Variants in SSC5D observed in about 807,000 individuals in gnomAD.
The protein encoded by SSC5D is soluble scavenger receptor cysteine-rich domain-containing protein SSC5D.
SSC5D carries 106 observed loss-of-function variants against 104.6 expected under a neutral mutation model. The ratio of observed to expected loss-of-function variants is 1.01; its 90% CI spans 0.87 to 1.19. SSC5D has a LOEUF of 1.19. SSC5D is among the 50% of genes most tolerant of loss of function. The probability of loss-of-function intolerance (pLI) is 0.00; values close to 1 mark genes in which losing one functional copy is unlikely to be tolerated. For missense variants in SSC5D, 1,993 were observed against 2,153.8 expected, an observed-to-expected ratio of 0.93 and a Z score of 1.48; for synonymous variants, 860 against 883.5, an observed-to-expected ratio of 0.97 and a Z score of 0.47.
intron 13 of SSC5D, among the ~76,000 whole-genome samples, chr19:55,516,886 C>A (rs377071440): frequency 6.6e-6 from 1 of 152,106 alleles, no homozygotes; most frequent in South Asian, 2.1e-4. Context: ...CTGCACGCTT[C>A]TGAGCACTCC....
At chr19:55,515,433 A>G (rs555558931) in intron 13 of SSC5D, among the ~76,000 whole-genome samples, 35 of 148,600 alleles carry the variant, frequency 2.4e-4, no homozygotes, top group African/African-American at 7.9e-4. Flanking sequence ...ATGAATTAAC[A>G]CTTTGAAAAT....
Position 55,490,967 on chromosome 19 carries a change from G to T in SSC5D, c.782G>T (p.Trp261Leu). 6.5e-7 allele frequency: 1 copy of T among 1,547,430 alleles called. No homozygotes were observed. Among genetic ancestry groups the T allele is most frequent in the Non-Finnish European group, 8.7e-7 (1 of 1,145,418 alleles). ...TTCGGGCCTGGTGCAGGGCCCGTGT[G>T]GATGGACGATGTGGGGTGTGGAGGA... ...ARFGPGAGPV[W>L]MDDVGCGGGE... The change falls in exon 6 of 14, where the codon TGG (tryptophan) becomes TTG (leucine). Residue 261 changes from tryptophan (W) to leucine (L), a missense_variant. Physicochemically the swap from Trp to Leu is moderately conservative, Grantham distance 61. Coordinates refer to ENST00000389623, the MANE Select transcript of SSC5D (RefSeq NM_001144950.2).
intron 7 of SSC5D, 24 bp downstream of exon 7, chr19:55,493,936 C>A: frequency 1.8e-6 from 2 of 1,081,164 alleles, no homozygotes; most frequent in South Asian, 4.4e-5. Flanking sequence ...GGTGGAGGAC[C>A]GGGAGGTGGG....
chr19:55,488,762 A>G (rs1406283893), intron 1 of SSC5D, 148 bp downstream of exon 1: 1 of 763,966 alleles, frequency 1.3e-6, no homozygotes. Flanking sequence ...TCCCTGCTCA[A>G]TCTGCCCAGC....
intron 2 of SSC5D, 116 bp from the exon 3 acceptor site, chr19:55,489,238 A>G: frequency 8.3e-7 from 1 of 1,209,362 alleles, no homozygotes; most frequent in East Asian, 3.0e-5. Context: ...GCCAGTGAGC[A>G]GGGCCACTGG....
chr19:55,504,394 G>A, intron 12 of SSC5D: 1 of 1,288,400 alleles, frequency 7.8e-7, no homozygotes, highest in South Asian at 2.0e-5. Flanking sequence ...CGTATGCGGG[G>A]TGGAGTGGGA....
rs1395828088 is a variant in SSC5D at position 55,494,683 on chromosome 19, C to A, written c.1287C>A (p.Ser429=). 6.5e-7 allele frequency: 1 copy of A among 1,550,282 alleles called. No individual in the cohort carries two copies. Among genetic ancestry groups the A allele is most frequent in the Non-Finnish European group, 8.7e-7 (1 of 1,146,548 alleles). ...ACTCCACGCCCAGGGAGGCTGCCTC[C>A]AGGCCCCCGTCCACCATGACGAGCC... The part of the protein sequence containing the change: ...SNNSTPREAA[S]RPPSTMTSQA... Residue 429 remains serine (S), a synonymous_variant, in exon 8 of 14, where the codon TCC becomes TCA. Coordinates refer to ENST00000389623, the MANE Select transcript of SSC5D (RefSeq NM_001144950.2).
chr19:55,488,535 C>T lies in SSC5D; in HGVS notation c.-55C>T. On this transcript the variant is annotated 5_prime_UTR_variant, in exon 1 of 14. Coordinates refer to ENST00000389623, the MANE Select transcript of SSC5D (RefSeq NM_001144950.2). ...CCTCTCTCCCCAGCTGCCTCCTCCT[C>T]TTCTCTCCCCGCTCTCCTTCCCCTT... 17 of 1,523,046 alleles carry T rather than the reference C, an allele frequency of 1.1e-5. No homozygotes were observed. Among genetic ancestry groups the T allele is most frequent in the Non-Finnish European group, 1.2e-5 (14 of 1,122,164 alleles). 94.3% of individuals were successfully genotyped at this position (1,523,046 alleles called of 1,614,324 possible). A position where few individuals can be genotyped will look rare whatever the true frequency, so the allele number is the denominator to read the frequency against.
At chr19:55,514,613 AAG>A (rs1056575148) in intron 13 of SSC5D, among the ~76,000 whole-genome samples, 1 of 148,880 alleles carries the variant, frequency 6.7e-6, no homozygotes, top group African/African-American at 2.5e-5. Context: ...AAAAAAAAAA[AAG>A]AGAGAGAGAG....
rs1381305841 is a variant in SSC5D, at chr19:55,501,066, A to G, written c.2650A>G (p.Thr884Ala). 3.2e-6 allele frequency: 5 copies of G among 1,551,882 alleles called. No individual in the cohort carries two copies. The highest frequency in any genetic ancestry group is 1.2e-5 in the South Asian group (1 of 84,066). Residue 884 changes from threonine (T) to alanine (A), a missense_variant, in exon 12 of 14, where the codon ACC becomes GCC. Physicochemically the swap from Thr to Ala is moderately conservative, Grantham distance 58. This residue lies in a region of SSC5D where 423 missense variants were observed against 409.2 expected (regional missense o/e 1.03). Transcript: ENST00000389623. ...AGACTATGACGATTATCCCCCCTGG[A>G]CCTGGGACCCCACCTCAAGAGAGGA... ...YTDYDDYPPWTWDPTSREDLA... is the reference protein window; with the variant it reads ...YTDYDDYPPWAWDPTSREDLA...
intron 6 of SSC5D, chr19:55,491,284 G>T: frequency 3.2e-6 from 2 of 631,342 alleles, no homozygotes; most frequent in Non-Finnish European, 5.4e-6. Flanking sequence ...GGAGGAGCAG[G>T]CTTGAGGCTT....
In SSC5D at chr19:55,501,346, T is replaced by A; in HGVS notation, c.2785+145T>A. 11 of 887,904 alleles carry A rather than the reference T, an allele frequency of 1.2e-5. No homozygotes were observed. The South Asian group carries it at 1.8e-4, about 15-fold the overall frequency. 55.0% of individuals were successfully genotyped at this position (887,904 alleles called of 1,614,324 possible). A position where few individuals can be genotyped will look rare whatever the true frequency, so the allele number is the denominator to read the frequency against. ...AGGTTTTCCTTGGCTCCTGAGACCC[T>A]AAACGCATTACCTCCTTGGGCTCAA... is the stretch of plus-strand genomic sequence containing the variant. On this transcript the variant is annotated intron_variant, in intron 12 of 13. Transcript: ENST00000389623.
At position 55,517,093 on chromosome 19, in the gene SSC5D, T is replaced by G. The variant is rs911158042; in HGVS notation, c.2948-131T>G. On this transcript the variant is annotated intron_variant, in intron 13 of 13. Transcript: ENST00000389623. The stretch of plus-strand genomic sequence containing the variant: ...AGGGGCCCTAGGGCCGGGTGAAGTC[T>G]GCCGGTGACCCATGACGTCTCGAGG... 3.3e-5 allele frequency: 28 copies of G among 836,600 alleles called. No individual in the cohort carries two copies. In the Admixed American group the frequency reaches 5.5e-4, roughly 16 times the overall value. The allele number at this position is 836,600 out of a possible 1,614,324, so 51.8% of individuals were successfully genotyped here. A position where few individuals can be genotyped will look rare whatever the true frequency, so the allele number is the denominator to read the frequency against.
chr19:55,494,293 G>A (rs1193785164), intron 7 of SSC5D, among the ~76,000 whole-genome samples: 1 of 152,170 alleles, frequency 6.6e-6, no homozygotes, highest in Non-Finnish European at 1.5e-5. Flanking sequence ...TCAGCCCCGT[G>A]GCAGCCCTGG....
At chr19:55,509,947 A>G (rs1295523192) in intron 12 of SSC5D, among the ~76,000 whole-genome samples, 11 of 151,412 alleles carry the variant, frequency 7.3e-5, no homozygotes, top group Admixed American at 1.3e-4. Flanking sequence ...GCATTCTGAG[A>G]GTACACAGGA....
chr19:55,500,613 C>G lies in SSC5D; in HGVS notation c.2426C>G (p.Ala809Gly), dbSNP rs1987465286. Residue 809 changes from alanine (A) to glycine (G), a missense_variant, in exon 11 of 14, where the codon GCC becomes GGC. Ala to Gly is a moderately conservative substitution (Grantham distance 60, BLOSUM62 0). Coordinates refer to ENST00000389623, the MANE Select transcript of SSC5D (RefSeq NM_001144950.2). This position sits in a 1 kb window ranked among gnomAD's most constrained non-coding sequence, Gnocchi z 4.6. ...TGGGACCTGCGGGACGCCACTGTGG[C>G]CTGCTGGGAACTGGGCTGTGGAAAG... ...DNWDLRDATV[A>G]CWELGCGKVR... 1.9e-5 allele frequency: 30 copies of G among 1,551,780 alleles called. No homozygotes were observed. Among genetic ancestry groups the G allele is most frequent in the Non-Finnish European group, 2.6e-5 (30 of 1,147,020 alleles).
At position 55,501,118 on chromosome 19, in the gene SSC5D, G is replaced by A; in HGVS notation, c.2702G>A (p.Gly901Glu). 1.9e-6 allele frequency: 3 copies of A among 1,551,602 alleles called. No individual in the cohort carries two copies. The highest frequency in any genetic ancestry group is 2.4e-5 in the East Asian group (1 of 40,902). ...CTGGCCAAGGGGACTACCACAGCGGGGGTACCTGGACACACTCTCCCCTGG... is the reference window on the plus strand; with the variant it reads ...CTGGCCAAGGGGACTACCACAGCGGAGGTACCTGGACACACTCTCCCCTGG... ...EDLAKGTTTA[G>E]VPGHTLPWRT... Residue 901 changes from glycine (G) to glutamate (E), a missense_variant, in exon 12 of 14, where the codon GGG becomes GAG. Around this residue, in one of 6 missense-constraint regions of SSC5D, gnomAD observed 423 missense variants for 409.2 expected, o/e 1.03. Transcript: ENST00000389623.
intron 13 of SSC5D, among the ~76,000 whole-genome samples, chr19:55,514,674 A>G (rs903675232): frequency 2.0e-5 from 3 of 151,748 alleles, no homozygotes; most frequent in Admixed American, 2.0e-4. Context: ...CATGAGCTCC[A>G]TGACGTAGAT....
intron 2 of SSC5D, 52 bp downstream of exon 2, chr19:55,489,084 C>A: frequency 9.9e-7 from 1 of 1,007,402 alleles, no homozygotes; most frequent in African/African-American, 2.0e-5. Flanking sequence ...AGGCCTCCCC[C>A]TTCTGCCCAT....
Sources: allele counts gnomAD v4.1 joint callset (sites outside exome capture counted in the v4.1 genomes callset), GRCh38; gene constraint gnomAD v4.1.1; regional missense constraint gnomAD v4.1.1; non-coding constraint Gnocchi (gnomAD v3.1); transcripts MANE v1.5; gene names NCBI Gene and HGNC (gene_info 2026-07-23, HGNC 2026-07-21).